TESMIN: variants seen among roughly 807,000 people sequenced by gnomAD.
TESMIN encodes testis expressed metallothionein like protein.
Under a neutral mutation model 47.4 loss-of-function variants are expected in TESMIN, and 34 were observed. The ratio of observed to expected loss-of-function variants is 0.72; its 90% CI spans 0.55 to 0.96. TESMIN has a LOEUF of 0.96. TESMIN is among the 40% of genes least tolerant of loss of function. The pLI is 0.00. For synonymous variants in TESMIN, 278 were observed against 258.9 expected, an observed-to-expected ratio of 1.07 and a Z score of -0.71; for missense variants, 610 against 637.2, an observed-to-expected ratio of 0.96 and a Z score of 0.46.
At position 68,717,808 on chromosome 11, in the gene TESMIN, C is replaced by A. The variant is rs897283217; in HGVS notation, c.918-1869G>T. Among the ~76,000 whole-genome samples the A allele has an allele frequency of 2.0e-5, 3 of 152,184 alleles. No individual in the cohort carries two copies. In the East Asian group the frequency reaches 5.8e-4, roughly 29 times the overall value. On this transcript the variant is annotated intron_variant, in intron 6 of 9. Transcript: ENST00000255087. ...TAAGCAGCTGGGACCCCCCTGCCACCGTGGCAGAGACTAAAAGTGACTCTC... is the reference window on the plus strand; with the variant it reads ...TAAGCAGCTGGGACCCCCCTGCCACAGTGGCAGAGACTAAAAGTGACTCTC...
intron 6 of TESMIN, among the ~76,000 whole-genome samples, chr11:68,727,464 C>CA (rs1251967533): frequency 1.3e-5 from 2 of 151,652 alleles, no homozygotes; most frequent in South Asian, 2.1e-4. Flanking sequence ...AACAAAAAAA[C>CA]AAAAAAACTG....
At chr11:68,730,382 T>G (rs2153991629) in intron 6 of TESMIN, among the ~76,000 whole-genome samples, 1 of 152,356 alleles carries the variant, frequency 6.6e-6, no homozygotes, top group South Asian at 2.1e-4. Flanking sequence ...TACGTTAAAT[T>G]TTTAAGTTGT....
chr11:68,713,286 T>C lies in TESMIN; in HGVS notation c.1142A>G (p.Tyr381Cys). The change falls in exon 8 of 10, where the codon TAC (tyrosine) becomes TGC (cysteine). Residue 381 changes from tyrosine to cysteine, a missense_variant. Coordinates refer to ENST00000255087, the MANE Select transcript of TESMIN (RefSeq NM_004923.3). ...NCRRSGCLKN[Y>C]CECYEAQIMC... ...GGCACTAACCTCATAGCACTCGCAG[T>C]AATTCTTCAGGCAGCCTGACCTCCT... The C allele has an allele frequency of 6.2e-7, 1 of 1,614,204 alleles. No individual in the cohort carries two copies. Among genetic ancestry groups the C allele is most frequent in the Non-Finnish European group, 8.5e-7 (1 of 1,180,020 alleles).
At position 68,708,409 on chromosome 11, in the gene TESMIN, A is replaced by ACATCT. The variant is rs1946022020; in HGVS notation, c.1425_1426insAGATG (p.Ser476ArgfsTer10). On this transcript the variant is annotated frameshift_variant, in exon 10 of 10. Coordinates refer to ENST00000255087, the MANE Select transcript of TESMIN (RefSeq NM_004923.3). LOFTEE classifies it high-confidence loss of function. ...ATCATCTGCTCTGCCAGGCACTTGG[A>ACATCT]GCAGTGTTCTTTCTCGGCCTCTTCT... 2.5e-6 allele frequency: 4 copies of ACATCT among 1,614,188 alleles called. No homozygotes were observed. Among genetic ancestry groups the ACATCT allele is most frequent in the Non-Finnish European group, 3.4e-6 (4 of 1,180,036 alleles).
intron 6 of TESMIN, chr11:68,736,406 C>A: frequency 2.0e-6 from 2 of 985,464 alleles, no homozygotes; most frequent in South Asian, 4.7e-5. Flanking sequence ...CTTCTATGGC[C>A]TCTATAGGTT....
intron 8 of TESMIN, 60 bp downstream of exon 8, chr11:68,713,210 A>T: frequency 4.7e-6 from 7 of 1,504,500 alleles, no homozygotes; most frequent in Non-Finnish European, 6.3e-6. Flanking sequence ...TTAACCACAA[A>T]AGTTACTCAA....
downstream of TESMIN, among the ~76,000 whole-genome samples, chr11:68,706,022 C>CAAAAA (rs11306603): frequency 3.0e-4 from 25 of 84,384 alleles, no homozygotes; most frequent in Non-Finnish European, 3.6e-4. Flanking sequence ...GACTCCGTCT[C>CAAAAA]AAAAAAAAAA....
intron 8 of TESMIN, among the ~76,000 whole-genome samples, chr11:68,711,591 C>A (rs1946073485): frequency 6.6e-6 from 1 of 152,128 alleles, no homozygotes; most frequent in Non-Finnish European, 1.5e-5. Context: ...TACCCGGGAG[C>A]CAGCAGGCTG....
chr11:68,735,028 A>T (rs926402617), intron 6 of TESMIN, among the ~76,000 whole-genome samples: 2 of 152,248 alleles, frequency 1.3e-5, no homozygotes, highest in Admixed American at 6.5e-5. Flanking sequence ...CAAGCTGCTA[A>T]CTTTGACTGC....
At chr11:68,716,616 T>A (rs1009626929) in intron 6 of TESMIN, among the ~76,000 whole-genome samples, 4 of 152,222 alleles carry the variant, frequency 2.6e-5, no homozygotes, top group African/African-American at 9.6e-5. Context: ...GTGCTGTGGA[T>A]TGGCTCTGAG....
At chr11:68,734,476 G>A (rs1052010755) in intron 6 of TESMIN, among the ~76,000 whole-genome samples, 3 of 152,218 alleles carry the variant, frequency 2.0e-5, no homozygotes, top group Admixed American at 6.5e-5. Context: ...GTGATGACAA[G>A]GAGGGGCACG....
At chr11:68,743,775 G>A (rs1566326123) in intron 4 of TESMIN, among the ~76,000 whole-genome samples, 1 of 152,128 alleles carries the variant, frequency 6.6e-6, no homozygotes. Context: ...CCAGGCCTAG[G>A]CATCCTTTGA....
chr11:68,712,144 G>C (rs1358678570), intron 8 of TESMIN, among the ~76,000 whole-genome samples: 1 of 152,258 alleles, frequency 6.6e-6, no homozygotes, highest in Non-Finnish European at 1.5e-5. Flanking sequence ...CCTTTCCTCT[G>C]AGCCTGCACA....
intron 2 of TESMIN, 82 bp downstream of exon 2, chr11:68,750,108 A>C (rs926058731): frequency 8.5e-6 from 10 of 1,180,260 alleles, no homozygotes; most frequent in Non-Finnish European, 1.0e-5. Flanking sequence ...GTAGAGGGAA[A>C]TCCTGGGGTA....
At chr11:68,743,434 A>C (rs949992101) in intron 4 of TESMIN, among the ~76,000 whole-genome samples, 1 of 151,854 alleles carries the variant, frequency 6.6e-6, no homozygotes, top group African/African-American at 2.4e-5. Context: ...TTTCTTGTAG[A>C]GACAGGGTTT....
At chr11:68,722,067 A>G (rs1169952568) in intron 6 of TESMIN, among the ~76,000 whole-genome samples, 1 of 152,194 alleles carries the variant, frequency 6.6e-6, no homozygotes, top group African/African-American at 2.4e-5. Flanking sequence ...TGATTCATCC[A>G]TACAATGGAA....
intron 9 of TESMIN, 150 bp from the exon 10 acceptor site, chr11:68,708,650 T>A: frequency 1.2e-6 from 1 of 816,964 alleles, no homozygotes; most frequent in Non-Finnish European, 1.8e-6. Flanking sequence ...TACTGGAAAC[T>A]ATTAGGCTGG....
At chr11:68,747,397 C>G (rs763744509) in intron 2 of TESMIN, 31 bp from the exon 3 acceptor site, 1 of 1,580,182 alleles carries the variant, frequency 6.3e-7, no homozygotes, top group East Asian at 2.2e-5. Flanking sequence ...TTTTAGAGAA[C>G]ACATGGTGGA....
At chr11:68,738,326 C>T in intron 6 of TESMIN, 1 of 1,019,200 alleles carries the variant, frequency 9.8e-7, no homozygotes, top group South Asian at 3.6e-5. Flanking sequence ...GTTCATGCTG[C>T]ATGGCTGCCA....
Sources: allele counts gnomAD v4.1 joint callset (sites outside exome capture counted in the v4.1 genomes callset), GRCh38; gene constraint gnomAD v4.1.1; transcripts MANE v1.5; gene names NCBI Gene and HGNC (gene_info 2026-07-23, HGNC 2026-07-21).